RAB28: variants seen among roughly 807,000 people sequenced by gnomAD.
RAB28 encodes the protein ras-related protein Rab-28.
Under a neutral mutation model 31.7 loss-of-function variants are expected in RAB28, and 24 were observed. That is an observed-to-expected ratio of 0.76 (90% confidence interval 0.55 to 1.06). RAB28 has a LOEUF of 1.06. Ranked by LOEUF, RAB28 falls within the 50% of genes least tolerant of loss-of-function variation. The pLI, the probability that RAB28 is intolerant of heterozygous loss-of-function variation, is 0.00. For synonymous variants in RAB28, 100 were observed against 90.4 expected, an observed-to-expected ratio of 1.11 and a Z score of -0.60; for missense variants, 254 against 258.5, an observed-to-expected ratio of 0.98 and a Z score of 0.12.
Position 13,368,001 on chromosome 4 carries a change from A to T in RAB28, c.*557T>A. 1 of 971,846 alleles carries T rather than the reference A, an allele frequency of 1.0e-6. No homozygotes were observed. The highest frequency in any genetic ancestry group is 1.2e-6 in the Non-Finnish European group (1 of 817,610). 60.2% of individuals were successfully genotyped at this position (971,846 alleles called of 1,614,324 possible). Reference sequence around the variant, plus strand: ...AAACAATTTAGGCCCTTTTTTAAAAAATGAAAAAATATTTCTATTACAGGC... The same window carrying T: ...AAACAATTTAGGCCCTTTTTTAAAATATGAAAAAATATTTCTATTACAGGC... On this transcript the variant is annotated 3_prime_UTR_variant, in exon 7 of 7. Coordinates refer to ENST00000330852, the MANE Select transcript of RAB28 (RefSeq NM_001017979.3).
At chr4:13,441,407 T>C (rs1714409393) in intron 4 of RAB28, among the ~76,000 whole-genome samples, 1 of 152,212 alleles carries the variant, frequency 6.6e-6, no homozygotes, top group Non-Finnish European at 1.5e-5. Flanking sequence ...TTTTCCACTG[T>C]AATCAACATA....
intron 5 of RAB28, among the ~76,000 whole-genome samples, chr4:13,380,959 T>C (rs1729103891): frequency 6.6e-6 from 1 of 151,902 alleles, no homozygotes; most frequent in African/African-American, 2.4e-5. Context: ...TTCTATATTA[T>C]AATCTTAATT....
intron 4 of RAB28, among the ~76,000 whole-genome samples, chr4:13,402,361 G>T (rs1288983821): frequency 6.6e-6 from 1 of 152,292 alleles, no homozygotes; most frequent in South Asian, 2.1e-4. Flanking sequence ...TGAAATCTCA[G>T]ATTCAATGGT....
At chr4:13,460,956 T>C in intron 3 of RAB28, 128 bp from the exon 4 acceptor site, 12 of 838,086 alleles carry the variant, frequency 1.4e-5, no homozygotes, top group Non-Finnish European at 2.0e-5. Context: ...GTTTTATATA[T>C]AAACTTCCAT....
intron 4 of RAB28, among the ~76,000 whole-genome samples, chr4:13,406,629 G>C (rs1712107319): frequency 6.6e-6 from 1 of 152,194 alleles, no homozygotes; most frequent in African/African-American, 2.4e-5. Flanking sequence ...CAGTGTAAAA[G>C]TGTTCCTATT....
chr4:13,469,545 T>C (rs1265901832), intron 3 of RAB28, among the ~76,000 whole-genome samples: 3 of 152,066 alleles, frequency 2.0e-5, no homozygotes, highest in Admixed American at 6.6e-5. Flanking sequence ...CTACCATCCG[T>C]AGTATTTTGT....
intron 4 of RAB28, among the ~76,000 whole-genome samples, chr4:13,419,340 A>G (rs1216726190): frequency 2.0e-5 from 3 of 152,190 alleles, no homozygotes; most frequent in Non-Finnish European, 4.4e-5. Flanking sequence ...AGACAGATCA[A>G]CGAGACAGAA....
intron 4 of RAB28, among the ~76,000 whole-genome samples, chr4:13,401,422 T>C (rs1350683669): frequency 6.6e-6 from 1 of 152,142 alleles, no homozygotes; most frequent in Non-Finnish European, 1.5e-5. Flanking sequence ...AAATACCTAA[T>C]GTAGGTGACG....
intron 4 of RAB28, among the ~76,000 whole-genome samples, chr4:13,448,638 T>C (rs1275706080): frequency 1.3e-5 from 2 of 152,062 alleles, no homozygotes; most frequent in African/African-American, 4.8e-5. Context: ...TGCTATTTTA[T>C]TCCCCAACAG....
At chr4:13,461,283 G>C (rs2108960610) in intron 3 of RAB28, among the ~76,000 whole-genome samples, 1 of 152,256 alleles carries the variant, frequency 6.6e-6, no homozygotes, top group African/African-American at 2.4e-5. Context: ...TCCCTTGATA[G>C]ACAATTTAAG....
rs185864501 is a variant in RAB28, at chr4:13,415,660, C to T, written c.392-34066G>A. On this transcript the variant is annotated intron_variant, in intron 4 of 6. Coordinates refer to ENST00000330852, the MANE Select transcript of RAB28 (RefSeq NM_001017979.3). ...CATGCCTGAGCCTCCCCCGCCCCCTCCAACCACGCCACCCTGGGCTCCTGT... is the reference window on the plus strand; with the variant it reads ...CATGCCTGAGCCTCCCCCGCCCCCTTCAACCACGCCACCCTGGGCTCCTGT... Among the ~76,000 whole-genome samples, 718 of 152,300 alleles carry T rather than the reference C, an allele frequency of 4.7e-3. 4 individuals carry two copies. Among genetic ancestry groups the T allele is most frequent in the Middle Eastern group, 0.02 (6 of 294 alleles).
chr4:13,438,211 T>TA (rs1364720105), intron 4 of RAB28, among the ~76,000 whole-genome samples: 1 of 152,224 alleles, frequency 6.6e-6, no homozygotes, highest in Non-Finnish European at 1.5e-5. Flanking sequence ...TATCACCCTA[T>TA]AAGACTATAA....
chr4:13,460,643 T>C, intron 4 of RAB28, 56 bp downstream of exon 4: 3 of 1,605,698 alleles, frequency 1.9e-6, no homozygotes, highest in Non-Finnish European at 1.7e-6. Flanking sequence ...ACACAAACAT[T>C]CTGTCCACAA....
chr4:13,465,706 G>C (rs191532181), intron 3 of RAB28, among the ~76,000 whole-genome samples: 59 of 147,092 alleles, frequency 4.0e-4, no homozygotes, highest in Admixed American at 1.2e-3. Context: ...CTCTACATAG[G>C]AAAAAAATGA....
At chr4:13,375,340 C>T (rs1728876562) in intron 6 of RAB28, among the ~76,000 whole-genome samples, 1 of 152,162 alleles carries the variant, frequency 6.6e-6, no homozygotes, top group South Asian at 2.1e-4. Context: ...ATTTTAAAGT[C>T]TTTTAATTCT....
intron 4 of RAB28, among the ~76,000 whole-genome samples, chr4:13,385,400 A>T (rs1577159612): frequency 6.6e-6 from 1 of 152,136 alleles, no homozygotes; most frequent in African/African-American, 2.4e-5. Context: ...ACACATAATC[A>T]TCAGATCCTC....
chr4:13,416,907 G>A (rs1320232979), intron 4 of RAB28, among the ~76,000 whole-genome samples: 2 of 152,160 alleles, frequency 1.3e-5, no homozygotes, highest in East Asian at 1.9e-4. Context: ...TGCAGCCCAT[G>A]GATGGCAAGC....
At chr4:13,465,126 G>T (rs150647336) in intron 3 of RAB28, among the ~76,000 whole-genome samples, 1 of 151,798 alleles carries the variant, frequency 6.6e-6, no homozygotes, top group Non-Finnish European at 1.5e-5. Context: ...AAAAAACAAC[G>T]AATAAAACAG....
At chr4:13,467,953 T>A (rs1410644791) in intron 3 of RAB28, among the ~76,000 whole-genome samples, 1 of 151,806 alleles carries the variant, frequency 6.6e-6, no homozygotes, top group Admixed American at 6.6e-5. Flanking sequence ...AAAACATTAA[T>A]GAAAAGAAAG....
Sources: gnomAD v4.1 joint callset for allele counts (sites outside exome capture counted in the v4.1 genomes callset) on GRCh38, gnomAD v4.1.1 for gene constraint, MANE v1.5 for transcripts, NCBI Gene and HGNC (gene_info 2026-07-23, HGNC 2026-07-21) for gene names.